The following IRX4 variants were observed in gnomAD, a reference collection of about 807,000 sequenced individuals.
IRX4 encodes the protein iroquois-class homeodomain protein IRX-4.
In IRX4, 22 loss-of-function variants were observed where a neutral mutation model predicts 32.0. The observed-to-expected ratio is 0.69, with a 90% CI of 0.49 to 0.98. The LOEUF is 0.98. Ranked by LOEUF, IRX4 falls within the 50% of genes least tolerant of loss-of-function variation. IRX4 has a pLI of 0.00. For synonymous variants in IRX4, 379 were observed against 351.7 expected, an observed-to-expected ratio of 1.08 and a Z score of -0.87; for missense variants, 840 against 744.2, an observed-to-expected ratio of 1.13 and a Z score of -1.50.
Position 1,878,522 on chromosome 5 carries a change from G to A in IRX4, c.1007C>T (p.Pro336Leu), listed in dbSNP as rs1474439487. 1.4e-6 allele frequency: 2 copies of A among 1,436,284 alleles called. No individual in the cohort carries two copies. Among genetic ancestry groups the A allele is most frequent in the Non-Finnish European group, 9.1e-7 (1 of 1,102,418 alleles). The allele number at this position is 1,436,284 out of a possible 1,614,324, so 89.0% of individuals were successfully genotyped here. A position where few individuals can be genotyped will look rare whatever the true frequency, so the allele number is the denominator to read the frequency against. ...CLRSAAAGPE[P>L]LPGAEGGPQV... ...AGGGCCGCCCTCTGCGCCCGGCAGT[G>A]GCTCCGGCCCGGCCGCCGCGCTGCG... is the stretch of plus-strand genomic sequence containing the variant. Residue 336 changes from proline (P) to leucine (L), a missense_variant, in exon 5 of 5, where the codon CCA (proline) becomes CTA (leucine). This residue lies in a region of IRX4 where 585 missense variants were observed against 488.0 expected (regional missense o/e 1.20). Coordinates refer to ENST00000231357, the MANE Select transcript of IRX4 (RefSeq NM_016358.3).
At chr5:1,882,566 A>G (rs1197584253) in intron 1 of IRX4, 37 bp downstream of exon 1, 3 of 1,491,286 alleles carry the variant, frequency 2.0e-6, no homozygotes, top group African/African-American at 1.5e-5. Context: ...CCCTACCGGC[A>G]CCTGCGGTGG....
rs750340725 is a variant in IRX4, at chr5:1,878,288, G to C, written c.1241C>G (p.Pro414Arg). ...GCCAGAGTGGGGAAGGGCCACAGAC[G>C]GGGACGTGGCGGGCGCGGAGGACAC... ...AAVSSAPATS[P>R]SVALPHSGAL... The change falls in exon 5 of 5, where the codon CCG (proline) becomes CGG (arginine). Residue 414 changes from proline (P) to arginine (R), a missense_variant. Pro to Arg is a moderately radical substitution (Grantham distance 103). Transcript: ENST00000231357. The C allele has an allele frequency of 3.8e-6, 6 of 1,594,444 alleles. No homozygotes were observed. Among genetic ancestry groups the C allele is most frequent in the Non-Finnish European group, 5.1e-6 (6 of 1,171,566 alleles).
chr5:1,878,328 C>T lies in IRX4; in HGVS notation c.1201G>A (p.Ala401Thr), dbSNP rs779108892. 3.2e-6 allele frequency: 5 copies of T among 1,556,352 alleles called. No homozygotes were observed. In the South Asian group the frequency reaches 4.7e-5, roughly 15 times the overall value. ...GCGGAGGACACAGCCGCAGGGGCCG[C>T]GGGACCTTGGCGCTTGAGCATGCAC... ...PSCMLKRQGP[A>T]APAAVSSAPA... Residue 401 changes from alanine to threonine, a missense_variant, in exon 5 of 5, where the codon GCG (alanine) becomes ACG (threonine). Physicochemically the swap from Ala to Thr is moderately conservative, Grantham distance 58. Around this residue, in one of 3 missense-constraint regions of IRX4, gnomAD observed 585 missense variants for 488.0 expected, o/e 1.20. Transcript: ENST00000231357.
rs755631324 is a variant in IRX4 at position 1,882,000 on chromosome 5, C to A, written c.105G>T (p.Ala35=). 3.9e-6 allele frequency: 6 copies of A among 1,547,834 alleles called. No individual in the cohort carries two copies. In the African/African-American group the frequency reaches 5.5e-5, roughly 14 times the overall value. Residue 35 remains alanine, a synonymous_variant, in exon 2 of 5, where the codon GCG becomes GCT. Transcript: ENST00000231357. ...TCCESGGRTL[A]DSGPAASAQA... ...GGGCCGAGGCGGCGGGCCCGGAGTC[C>A]GCCAGCGTGCGGCCTCCGGACTCGC...
Position 1,878,192 on chromosome 5 carries a change from G to A in IRX4, c.1337C>T (p.Pro446Leu), listed in dbSNP as rs369407092. The change falls in exon 5 of 5, where the codon CCC (proline) becomes CTC (leucine). Residue 446 changes from proline (P) to leucine (L), a missense_variant. Coordinates refer to ENST00000231357, the MANE Select transcript of IRX4 (RefSeq NM_016358.3). Reference protein sequence around the residue: ...RNWVDGVFHDPILRHSTLNQA... With the variant: ...RNWVDGVFHDLILRHSTLNQA... ...GTTCAAAGTGCTGTGCCTGAGGATG[G>A]GGTCGTGGAAGACCCCGTCCACCCA... is the stretch of plus-strand genomic sequence containing the variant. The A allele has an allele frequency of 6.3e-7, 1 of 1,596,016 alleles. No individual in the cohort carries two copies. The highest frequency in any genetic ancestry group is 8.5e-7 in the Non-Finnish European group (1 of 1,172,880).
At position 1,881,913 on chromosome 5, in the gene IRX4, G is replaced by A; in HGVS notation, c.192C>T (p.Leu64=). ...AGACGCCCAGCGCCGCGGCCGAGTT[G>A]AGCTCGTGGCGCGCGGTGGCCAGCA... ...SRLLATARHE[L]NSAAALGVYG... Residue 64 remains leucine, a synonymous_variant, in exon 2 of 5, where the codon CTC becomes CTT. Transcript: ENST00000231357. 1 of 1,583,372 alleles carries A rather than the reference G, an allele frequency of 6.3e-7. No individual in the cohort carries two copies. The highest frequency in any genetic ancestry group is 8.6e-7 in the Non-Finnish European group (1 of 1,165,780).
chr5:1,880,154 A>G (rs1257586513), intron 3 of IRX4: 1 of 1,534,204 alleles, frequency 6.5e-7, no homozygotes, highest in Admixed American at 2.0e-5. Flanking sequence ...CTCAAACCAT[A>G]AAAAGGTATA....
upstream of IRX4, among the ~76,000 whole-genome samples, chr5:1,883,453 G>C (rs1261005677): frequency 6.6e-6 from 1 of 152,172 alleles, no homozygotes; most frequent in Non-Finnish European, 1.5e-5. Flanking sequence ...AATCAGCAAC[G>C]CCTCCCGCCG....
chr5:1,881,263 C>G (rs1192059230), intron 2 of IRX4, among the ~76,000 whole-genome samples: 2 of 129,972 alleles, frequency 1.5e-5, no homozygotes, highest in Non-Finnish European at 3.2e-5. Context: ...GGCTGCTGAG[C>G]GAGGGGATGG....
At position 1,880,709 on chromosome 5, in the gene IRX4, A is replaced by T. The variant is rs781244905; in HGVS notation, c.407+16T>A. 3 of 1,556,466 alleles carry T rather than the reference A, an allele frequency of 1.9e-6. No individual in the cohort carries two copies. In the South Asian group the frequency reaches 3.3e-5, roughly 17 times the overall value. ...GCCCGTGGGGCTAGTGCTGGTTAGG[A>T]GGGGTGGGTCCTCACCTGTCATAGG... On this transcript the variant is annotated intron_variant, in intron 3 of 4. Transcript: ENST00000231357.
Position 1,878,056 on chromosome 5 carries a change from A to T in IRX4, c.1473T>A (p.Pro491=). ...LTAPLARAFP[P]AVPQDAPAAG... ...CAGCTGGGGCGTCCTGGGGCACGGCAGGCGGAAAGGCGCGGGCCAGGGGTG... is the reference window on the plus strand; with the variant it reads ...CAGCTGGGGCGTCCTGGGGCACGGCTGGCGGAAAGGCGCGGGCCAGGGGTG... Residue 491 remains proline, a synonymous_variant, in exon 5 of 5, where the codon CCT becomes CCA. Coordinates refer to ENST00000231357, the MANE Select transcript of IRX4 (RefSeq NM_016358.3). The T allele has an allele frequency of 1.3e-6, 2 of 1,512,322 alleles. No homozygotes were observed. Among genetic ancestry groups the T allele is most frequent in the Non-Finnish European group, 1.8e-6 (2 of 1,135,344 alleles). 93.7% of individuals were successfully genotyped at this position (1,512,322 alleles called of 1,614,324 possible).
chr5:1,878,439 C>T lies in IRX4; in HGVS notation c.1090G>A (p.Ala364Thr). ...GCCAGGGACCAGATGCGCGGCTTAG[C>T]CTCCAGGCCTGCCGACGCCCCCGCC... ...VPAGASAGLE[A>T]KPRIWSLAHT... Residue 364 changes from alanine (A) to threonine (T), a missense_variant, in exon 5 of 5, where the codon GCT (alanine) becomes ACT (threonine). Coordinates refer to ENST00000231357, the MANE Select transcript of IRX4 (RefSeq NM_016358.3). 2.0e-6 allele frequency: 3 copies of T among 1,480,370 alleles called. No homozygotes were observed. The highest frequency in any genetic ancestry group is 2.7e-6 in the Non-Finnish European group (3 of 1,120,530). 91.7% of individuals were successfully genotyped at this position (1,480,370 alleles called of 1,614,324 possible). A position where few individuals can be genotyped will look rare whatever the true frequency, so the allele number is the denominator to read the frequency against.
At position 1,878,781 on chromosome 5, in the gene IRX4, T is replaced by C. The variant is rs1735315279; in HGVS notation, c.748A>G (p.Lys250Glu). The C allele has an allele frequency of 1.2e-6, 2 of 1,613,132 alleles. No homozygotes were observed. The highest frequency in any genetic ancestry group is 1.7e-6 in the Non-Finnish European group (2 of 1,179,890). ...CTAAGCTCCAGCTCCTTCTCCTCTT[T>C]GCCCACGGGCTCTGCGGGAGAGAAT... ...KSSKNAEPVGKEEKELELSDL... is the reference protein window; with the variant it reads ...KSSKNAEPVGEEEKELELSDL... The change falls in exon 5 of 5, where the codon AAA (lysine) becomes GAA (glutamate). Residue 250 changes from lysine (K) to glutamate (E), a missense_variant. Transcript: ENST00000231357.
In IRX4 at chr5:1,877,778, G is replaced by C; in HGVS notation, c.*191C>G. 1 of 585,640 alleles carries C rather than the reference G, an allele frequency of 1.7e-6. No homozygotes were observed. Among genetic ancestry groups the C allele is most frequent in the Non-Finnish European group, 2.9e-6 (1 of 347,296 alleles). The allele number at this position is 585,640 out of a possible 1,614,324, so 36.3% of individuals were successfully genotyped here. A position where few individuals can be genotyped will look rare whatever the true frequency, so the allele number is the denominator to read the frequency against. On this transcript the variant is annotated 3_prime_UTR_variant, in exon 5 of 5. Coordinates refer to ENST00000231357, the MANE Select transcript of IRX4 (RefSeq NM_016358.3). ...AATGGCCCGGTCAGGCTCAGGCCCAGGCGGTGGAGGCCCCGGCGTGGCAGC... is the reference window on the plus strand; with the variant it reads ...AATGGCCCGGTCAGGCTCAGGCCCACGCGGTGGAGGCCCCGGCGTGGCAGC...
Position 1,882,886 on chromosome 5 carries a change from C to G in IRX4, c.-239G>C. The G allele has an allele frequency of 2.6e-6, 1 of 390,176 alleles. No homozygotes were observed. Among genetic ancestry groups the G allele is most frequent in the Non-Finnish European group, 4.5e-6 (1 of 220,590 alleles). The allele number at this position is 390,176 out of a possible 1,614,324, so 24.2% of individuals were successfully genotyped here. ...CCGGAGGCTCGAGGGGGCTCTGGGA[C>G]CGAGCGGCCTCGCAGCGGCGACAGA... On this transcript the variant is annotated 5_prime_UTR_variant, in exon 1 of 5. Coordinates refer to ENST00000231357, the MANE Select transcript of IRX4 (RefSeq NM_016358.3).
At position 1,882,810 on chromosome 5, in the gene IRX4, G is replaced by T. The variant is rs1579255971; in HGVS notation, c.-163C>A. ...CCGCGCTCCGCAAACTTTTCTAACC[G>T]GGTAACAAAGTGAGCAGCGGTGGCC... is the stretch of plus-strand genomic sequence containing the variant. On this transcript the variant is annotated 5_prime_UTR_variant, in exon 1 of 5. Transcript: ENST00000231357. The T allele has an allele frequency of 4.7e-6, 2 of 421,122 alleles. No individual in the cohort carries two copies. The highest frequency in any genetic ancestry group is 8.5e-6 in the Non-Finnish European group (2 of 235,552). The allele number at this position is 421,122 out of a possible 1,614,324, so 26.1% of individuals were successfully genotyped here.
intron 3 of IRX4, among the ~76,000 whole-genome samples, chr5:1,880,370 G>C (rs1735384479): frequency 6.6e-6 from 1 of 152,238 alleles, no homozygotes; most frequent in African/African-American, 2.4e-5. Flanking sequence ...TCCCACTGTA[G>C]GGGCAGTGTG....
chr5:1,880,644 C>T, intron 3 of IRX4, 81 bp downstream of exon 3: 4 of 915,418 alleles, frequency 4.4e-6, no homozygotes, highest in Middle Eastern at 2.2e-4. Context: ...AGAAAGGGGG[C>T]ATGATGGTGG....
Position 1,882,888 on chromosome 5 carries a change from G to C in IRX4, c.-241C>G. On this transcript the variant is annotated 5_prime_UTR_variant, in exon 1 of 5. Coordinates refer to ENST00000231357, the MANE Select transcript of IRX4 (RefSeq NM_016358.3). ...GGAGGCTCGAGGGGGCTCTGGGACC[G>C]AGCGGCCTCGCAGCGGCGACAGAAA... The C allele has an allele frequency of 2.6e-6, 1 of 386,080 alleles. No individual in the cohort carries two copies. Among genetic ancestry groups the C allele is most frequent in the Non-Finnish European group, 4.6e-6 (1 of 218,290 alleles). The allele number at this position is 386,080 out of a possible 1,614,324, so 23.9% of individuals were successfully genotyped here.
Sources: gnomAD v4.1 joint callset for allele counts (sites outside exome capture counted in the v4.1 genomes callset) on GRCh38, gnomAD v4.1.1 for gene constraint, gnomAD v4.1.1 regional missense constraint, MANE v1.5 for transcripts, NCBI Gene and HGNC (gene_info 2026-07-23, HGNC 2026-07-21) for gene names.